Variants in MME observed in about 807,000 individuals in gnomAD.
The protein encoded by MME is membrane metalloendopeptidase, also known as neprilysin.
MME carries 98 observed loss-of-function variants against 113.2 expected under a neutral mutation model. That is an observed-to-expected ratio of 0.87 (90% CI 0.74 to 1.02). MME has a LOEUF of 1.02. Among genes scored for constraint, MME ranks in the 50% least tolerant of loss-of-function variants. MME has a pLI of 0.00. For synonymous variants in MME, 292 were observed against 300.6 expected (o/e 0.97, Z 0.30); for missense variants, 836 against 896.0 (o/e 0.93, Z 0.86).
intron 1 of MME, among the ~76,000 whole-genome samples, chr3:155,042,770 GT>G (rs1299587939): frequency 6.6e-6 from 1 of 150,830 alleles, no homozygotes; most frequent in African/African-American, 2.4e-5. Flanking sequence ...ATCTTTTCAT[GT>G]TTTTGACCCT....
At chr3:155,124,596 T>C (rs1288016515) in intron 8 of MME, among the ~76,000 whole-genome samples, 19 of 152,222 alleles carry the variant, frequency 1.2e-4, no homozygotes, top group East Asian at 1.2e-3. Flanking sequence ...GATGGGTTTT[T>C]GGTGTGGATG....
intron 16 of MME, 152 bp downstream of exon 16, chr3:155,148,805 G>C: frequency 3.1e-6 from 2 of 652,664 alleles, no homozygotes; most frequent in Non-Finnish European, 5.5e-6. Flanking sequence ...TCTAATTATG[G>C]TATACTAAAG....
chr3:155,040,529 A>C (rs1235524416), intron 1 of MME, among the ~76,000 whole-genome samples: 1 of 151,830 alleles, frequency 6.6e-6, no homozygotes, highest in Non-Finnish European at 1.5e-5. Context: ...TGTATATATA[A>C]TATATTTACA....
intron 14 of MME, 97 bp downstream of exon 14, chr3:155,144,554 C>T (rs1471070271): frequency 1.3e-6 from 1 of 781,516 alleles, no homozygotes; most frequent in East Asian, 2.7e-5. Flanking sequence ...TCAAAGATTG[C>T]ATAAAAACTT....
chr3:155,073,846 T>C (rs1438731889), intron 1 of MME, among the ~76,000 whole-genome samples: 2 of 152,154 alleles, frequency 1.3e-5, no homozygotes, highest in Admixed American at 1.3e-4. Flanking sequence ...TTTTCTCATG[T>C]TTTTCTCTTG....
At chr3:155,042,936 ATATG>A (rs1431303368) in intron 1 of MME, among the ~76,000 whole-genome samples, 831 of 38,794 alleles carry the variant, frequency 0.021, 17 homozygotes, top group African/African-American at 0.081. Context: ...ATATATATAT[ATATG>A]TATATATATA....
intron 1 of MME, among the ~76,000 whole-genome samples, chr3:155,049,748 GA>G (rs1451128431): frequency 6.6e-6 from 1 of 152,062 alleles, no homozygotes; most frequent in Non-Finnish European, 1.5e-5. Flanking sequence ...AGAAGGAAAT[GA>G]GAGGTATGTC....
chr3:155,089,283 C>T (rs1334775978), intron 3 of MME, among the ~76,000 whole-genome samples: 1 of 152,150 alleles, frequency 6.6e-6, no homozygotes, highest in African/African-American at 2.4e-5. Context: ...ATTTTGCAGA[C>T]TTTTCCGTGT....
intron 16 of MME, among the ~76,000 whole-genome samples, chr3:155,153,209 TA>T (rs1722066145): frequency 1.3e-5 from 2 of 152,042 alleles, no homozygotes; most frequent in Non-Finnish European, 2.9e-5. Context: ...GTAGTTTTAG[TA>T]GAGACGGGGC....
intron 1 of MME, among the ~76,000 whole-genome samples, chr3:155,043,988 A>C (rs1713452839): frequency 6.6e-6 from 1 of 152,240 alleles, no homozygotes; most frequent in Non-Finnish European, 1.5e-5. Flanking sequence ...GACTTTACCT[A>C]TTCATAAGCC....
rs370029169 is a variant in MME at position 155,182,001 on chromosome 3, T to C, written c.*1542T>C. On this transcript the variant is annotated 3_prime_UTR_variant, in exon 23 of 23. Transcript: ENST00000360490. ...GTATACAGTTCAATAAACTTAACTT[T>C]AACTGAACAATGGCCCTGTAGCCAG... 22 of 152,290 alleles carry C rather than the reference T, an allele frequency of 1.4e-4. No homozygotes were observed. Among genetic ancestry groups the C allele is most frequent in the African/African-American group, 5.3e-4 (22 of 41,572 alleles). 9.4% of individuals were successfully genotyped at this position (152,290 alleles called of 1,614,324 possible).
rs528987934 is a variant in MME at position 155,137,677 on chromosome 3, G to A, written c.721-425G>A. On this transcript the variant is annotated intron_variant, in intron 8 of 22. Transcript: ENST00000360490. ...GCTAAGACAGCACCACTGCACTCCAGCCCAGGCGACAGTGTGAGACTCTGT... is the reference window on the plus strand; with the variant it reads ...GCTAAGACAGCACCACTGCACTCCAACCCAGGCGACAGTGTGAGACTCTGT... Among the ~76,000 whole-genome samples the A allele has an allele frequency of 2.6e-5, 4 of 152,250 alleles. No homozygotes were observed. The South Asian group carries it at 6.2e-4, about 24-fold the overall frequency.
chr3:155,083,364 G>GA, intron 1 of MME, among the ~76,000 whole-genome samples: 1 of 152,252 alleles, frequency 6.6e-6, no homozygotes, highest in Middle Eastern at 3.4e-3. Context: ...AAGATTTTAG[G>GA]AATACAGGTA....
intron 1 of MME, among the ~76,000 whole-genome samples, chr3:155,048,374 C>T (rs1469872): frequency 5.9e-5 from 9 of 152,142 alleles, no homozygotes; most frequent in Admixed American, 3.3e-4. Flanking sequence ...CTCTCTTCTA[C>T]AATCTGTCTT....
At chr3:155,139,689 T>C (rs936015783) in intron 9 of MME, among the ~76,000 whole-genome samples, 1 of 152,192 alleles carries the variant, frequency 6.6e-6, no homozygotes, top group African/African-American at 2.4e-5. Flanking sequence ...TGCAACCAAA[T>C]TGTGCTCTGT....
intron 1 of MME, among the ~76,000 whole-genome samples, chr3:155,059,123 T>C (rs1317006604): frequency 1.3e-5 from 2 of 151,542 alleles, no homozygotes; most frequent in African/African-American, 2.4e-5. Flanking sequence ...GGCATGCTGG[T>C]GTACGCCTGT....
chr3:155,027,263 T>C (rs1411871485), intron 1 of MME, among the ~76,000 whole-genome samples: 3 of 152,120 alleles, frequency 2.0e-5, no homozygotes, highest in Non-Finnish European at 4.4e-5. Context: ...GCTTCCTGTC[T>C]CTCTCTTCTC....
At chr3:155,039,485 A>G (rs950216295) in intron 1 of MME, among the ~76,000 whole-genome samples, 1 of 152,228 alleles carries the variant, frequency 6.6e-6, no homozygotes, top group African/African-American at 2.4e-5. Context: ...GATACTGAAT[A>G]AGTACCCTTC....
intron 1 of MME, among the ~76,000 whole-genome samples, chr3:155,048,884 C>A (rs1319924502): frequency 6.6e-6 from 1 of 151,942 alleles, no homozygotes; most frequent in African/African-American, 2.4e-5. Context: ...TTTACATTGC[C>A]TCTAATTGTT....
Sources: allele counts gnomAD v4.1 joint callset (sites outside exome capture counted in the v4.1 genomes callset), GRCh38; gene constraint gnomAD v4.1.1; transcripts MANE v1.5; gene names NCBI Gene and HGNC (gene_info 2026-07-23, HGNC 2026-07-21).